The following ADORA2B variants were observed in gnomAD, a reference collection of about 807,000 sequenced individuals.
ADORA2B encodes the protein adenosine receptor A2b.
ADORA2B carries 18 observed loss-of-function variants against 20.8 expected under a neutral mutation model. The observed-to-expected ratio is 0.87, with a 90% CI of 0.60 to 1.29. The LOEUF (loss-of-function observed/expected upper bound fraction) is 1.29, where lower values mean the gene tolerates loss of function less well. Ranked by LOEUF, ADORA2B falls within the 50% of genes most tolerant of loss-of-function variation. The pLI, the probability that ADORA2B is intolerant of heterozygous loss-of-function variation, is 0.00. For missense variants in ADORA2B, 441 were observed against 422.7 expected (o/e 1.04, Z -0.38); for synonymous variants, 179 against 178.3 (o/e 1.00, Z -0.03).
At chr17:15,963,290 A>G (rs781040188) in intron 1 of ADORA2B, among the ~76,000 whole-genome samples, 3 of 152,214 alleles carry the variant, frequency 2.0e-5, no homozygotes, top group South Asian at 2.1e-4. Flanking sequence ...GAGGAGTAAG[A>G]TACTTACAGT....
chr17:15,891,840 C>G, the ADORA2B span, among the ~76,000 whole-genome samples: 1 of 145,622 alleles, frequency 6.9e-6, no homozygotes, highest in South Asian at 2.2e-4. Context: ...CGCCACAATG[C>G]CCAGCTTTTT....
At chr17:15,868,956 C>T in the ADORA2B span, among the ~76,000 whole-genome samples, 2 of 151,060 alleles carry the variant, frequency 1.3e-5, no homozygotes, top group African/African-American at 4.9e-5. Flanking sequence ...GGAGTAGGAG[C>T]TGCCATTTAA....
Position 15,975,493 on chromosome 17 carries a change from ATATG to A in ADORA2B, c.*157_*160del, listed in dbSNP as rs1345349941. ...CCTGGAGCTACCACGTATCTAGCTA[ATATG>A]TATGTGTCAGTAGTAGGCTCCAAGG... On this transcript the variant is annotated 3_prime_UTR_variant, in exon 2 of 2. Transcript: ENST00000304222. 4.3e-6 allele frequency: 3 copies of A among 704,562 alleles called. No homozygotes were observed. The highest frequency in any genetic ancestry group is 3.6e-5 in the African/African-American group (2 of 56,144). The allele number at this position is 704,562 out of a possible 1,614,324, so 43.6% of individuals were successfully genotyped here. A position where few individuals can be genotyped will look rare whatever the true frequency, so the allele number is the denominator to read the frequency against.
upstream of ADORA2B, among the ~76,000 whole-genome samples, chr17:15,940,424 T>A (rs1159755496): frequency 6.6e-6 from 1 of 152,214 alleles, no homozygotes; most frequent in Non-Finnish European, 1.5e-5. Context: ...AGTAGAACGT[T>A]GAGGTACAGT....
the ADORA2B span, among the ~76,000 whole-genome samples, chr17:15,927,601 T>C: frequency 2.0e-5 from 3 of 152,240 alleles, no homozygotes; most frequent in African/African-American, 7.2e-5. Context: ...GAGCCAAGAT[T>C]GCACCACTGC....
At chr17:15,896,828 C>T in the ADORA2B span, among the ~76,000 whole-genome samples, 127 of 152,246 alleles carry the variant, frequency 8.3e-4, no homozygotes, top group African/African-American at 3.0e-3. Context: ...CTATTTTTTC[C>T]CTTTAAAGAA....
the ADORA2B span, among the ~76,000 whole-genome samples, chr17:15,886,244 T>C: frequency 7.5e-6 from 1 of 132,814 alleles, no homozygotes; most frequent in African/African-American, 3.1e-5. Flanking sequence ...AATCTTGTAG[T>C]GGCTCGCCCT....
the ADORA2B span, among the ~76,000 whole-genome samples, chr17:15,854,688 C>T: frequency 6.6e-6 from 1 of 152,156 alleles, no homozygotes; most frequent in African/African-American, 2.4e-5. Context: ...GTGTTTAATG[C>T]GATGTGGAGT....
At chr17:15,884,517 C>G in the ADORA2B span, among the ~76,000 whole-genome samples, 1 of 152,038 alleles carries the variant, frequency 6.6e-6, no homozygotes, top group Admixed American at 6.6e-5. Context: ...CATCTTAATT[C>G]TTATTAAGAA....
At chr17:15,917,613 A>T in the ADORA2B span, among the ~76,000 whole-genome samples, 57 of 152,194 alleles carry the variant, frequency 3.7e-4, no homozygotes, top group African/African-American at 1.3e-3. Flanking sequence ...GGGAACAGGG[A>T]TGCCCAGCAA....
the ADORA2B span, among the ~76,000 whole-genome samples, chr17:15,874,333 GA>G: frequency 6.6e-6 from 1 of 151,660 alleles, no homozygotes; most frequent in Non-Finnish European, 1.5e-5. Context: ...GAAAGGTAGG[GA>G]GGGGGATTAA....
chr17:15,881,828 G>A, the ADORA2B span, among the ~76,000 whole-genome samples: 1 of 152,158 alleles, frequency 6.6e-6, no homozygotes, highest in Non-Finnish European at 1.5e-5. Flanking sequence ...CAGGAGTTGT[G>A]GTTTTCCTTG....
the ADORA2B span, among the ~76,000 whole-genome samples, chr17:15,898,453 C>CT: frequency 0.22 from 27,984 of 127,380 alleles, 3,693 homozygotes; most frequent in East Asian, 0.37. Flanking sequence ...TAATCTCCCA[C>CT]TTTTTTTTTT....
chr17:15,895,288 A>G, the ADORA2B span, among the ~76,000 whole-genome samples: 7 of 152,238 alleles, frequency 4.6e-5, no homozygotes, highest in Non-Finnish European at 8.8e-5. Flanking sequence ...ATCGAATTTG[A>G]CACATACAAT....
At chr17:15,967,918 A>G (rs1337570141) in intron 1 of ADORA2B, among the ~76,000 whole-genome samples, 2 of 152,306 alleles carry the variant, frequency 1.3e-5, no homozygotes, top group Non-Finnish European at 2.9e-5. Context: ...TCAGACTGAC[A>G]GGCTGAATGG....
the ADORA2B span, among the ~76,000 whole-genome samples, chr17:15,874,108 A>G: frequency 1.4e-5 from 2 of 142,334 alleles, no homozygotes; most frequent in Non-Finnish European, 3.0e-5. Flanking sequence ...ACACACACAC[A>G]TATATACATA....
chr17:15,870,475 T>A, the ADORA2B span, among the ~76,000 whole-genome samples: 7 of 152,140 alleles, frequency 4.6e-5, no homozygotes, highest in South Asian at 1.5e-3. Context: ...TAGCTGATTG[T>A]GGTGGCACAT....
At chr17:15,966,375 G>A (rs893436442) in intron 1 of ADORA2B, among the ~76,000 whole-genome samples, 3 of 152,208 alleles carry the variant, frequency 2.0e-5, no homozygotes, top group Non-Finnish European at 4.4e-5. Flanking sequence ...GCTCCATCCA[G>A]CCTGTGGCTG....
At chr17:15,917,437 G>A in the ADORA2B span, among the ~76,000 whole-genome samples, 1 of 152,218 alleles carries the variant, frequency 6.6e-6, no homozygotes, top group Non-Finnish European at 1.5e-5. Flanking sequence ...CTGAGCCGGC[G>A]CAGCCAAATC....
Sources: gnomAD v4.1 joint callset for allele counts (sites outside exome capture counted in the v4.1 genomes callset) on GRCh38, gnomAD v4.1.1 for gene constraint, MANE v1.5 for transcripts, NCBI Gene and HGNC (gene_info 2026-07-23, HGNC 2026-07-21) for gene names.